The following THEMIS variants were observed in gnomAD, a reference collection of about 807,000 sequenced individuals.
THEMIS encodes the protein thymocyte selection associated, also known as protein THEMIS.
Under a neutral mutation model 52.6 loss-of-function variants are expected in THEMIS, and 37 were observed. The ratio of observed to expected loss-of-function variants is 0.70; its 90% CI spans 0.54 to 0.93. The LOEUF (loss-of-function observed/expected upper bound fraction) is 0.93. Ranked by LOEUF, THEMIS falls within the 40% of genes least tolerant of loss-of-function variation. The pLI, the probability that THEMIS is intolerant of heterozygous loss-of-function variation, is 0.00. For missense variants in THEMIS, 808 were observed against 763.1 expected, an observed-to-expected ratio of 1.06 and a Z score of -0.69; for synonymous variants, 292 against 272.7, an observed-to-expected ratio of 1.07 and a Z score of -0.70.
chr6:127,813,613 T>A lies in THEMIS; in HGVS notation c.1028A>T (p.Lys343Met). 6.2e-7 allele frequency: 1 copy of A among 1,614,120 alleles called. No individual in the cohort carries two copies. The highest frequency in any genetic ancestry group is 8.5e-7 in the Non-Finnish European group (1 of 1,179,996). ...LIPTSYKGKF[K>M]RRPREFPTAY... Reference sequence around the variant, plus strand: ...CGTTGGGAACTCCCTCGGTCGCCGCTTGAACTTGCCTTTATAGCTAGTGGG... The same window carrying A: ...CGTTGGGAACTCCCTCGGTCGCCGCATGAACTTGCCTTTATAGCTAGTGGG... Residue 343 changes from lysine to methionine, a missense_variant, in exon 4 of 6, where the codon AAG becomes ATG. Coordinates refer to ENST00000368248, the MANE Select transcript of THEMIS (RefSeq NM_001010923.3).
chr6:127,835,682 T>C (rs1778852071), intron 2 of THEMIS, among the ~76,000 whole-genome samples: 2 of 152,280 alleles, frequency 1.3e-5, no homozygotes, highest in Non-Finnish European at 2.9e-5. Context: ...TATTCTAGCC[T>C]GGATCAAAAT....
chr6:127,830,696 A>G (rs530838293), intron 2 of THEMIS, among the ~76,000 whole-genome samples: 1 of 151,972 alleles, frequency 6.6e-6, no homozygotes, highest in Admixed American at 6.5e-5. Flanking sequence ...TCAAAAAAAA[A>G]TAAAAAATAA....
At chr6:127,782,860 AT>A (rs943283874) in intron 4 of THEMIS, among the ~76,000 whole-genome samples, 3 of 152,170 alleles carry the variant, frequency 2.0e-5, no homozygotes, top group African/African-American at 7.2e-5. Flanking sequence ...GCTACCATGG[AT>A]TTTCTTCACA....
At chr6:127,707,012 T>C (rs1010341298), downstream of THEMIS, among the ~76,000 whole-genome samples, 1 of 152,100 alleles carries the variant, frequency 6.6e-6, no homozygotes, top group African/African-American at 2.4e-5. Context: ...TCAGGAAATT[T>C]ATAATCATGG....
chr6:127,801,729 T>C (rs1009305373), intron 4 of THEMIS, among the ~76,000 whole-genome samples: 1 of 151,892 alleles, frequency 6.6e-6, no homozygotes, highest in Admixed American at 6.6e-5. Flanking sequence ...CCTGAGGCGG[T>C]TGCCAGGCAA....
At chr6:127,906,677 A>G (rs182993401) in intron 1 of THEMIS, among the ~76,000 whole-genome samples, 2 of 152,080 alleles carry the variant, frequency 1.3e-5, no homozygotes, top group African/African-American at 4.8e-5. Flanking sequence ...CCTGTTGGAA[A>G]AAAAATATTG....
chr6:127,813,902 T>TGG lies in THEMIS; in HGVS notation c.737_738dup (p.Ser247ProfsTer3). 1.3e-6 allele frequency: 2 copies of TGG among 1,583,724 alleles called. No homozygotes were observed. Among genetic ancestry groups the TGG allele is most frequent in the Non-Finnish European group, 1.7e-6 (2 of 1,169,068 alleles). ...ATGTCTTTGACTTCGACATCTAGAC[T>TGG]GGGGAGGATGCGGATTATATCTTTT... is the stretch of plus-strand genomic sequence containing the variant. On this transcript the variant is annotated frameshift_variant, in exon 4 of 6. Coordinates refer to ENST00000368248, the MANE Select transcript of THEMIS (RefSeq NM_001010923.3). LOFTEE classifies it high-confidence loss of function.
chr6:127,752,140 A>G (rs958408913), intron 4 of THEMIS, among the ~76,000 whole-genome samples: 4 of 151,752 alleles, frequency 2.6e-5, no homozygotes, highest in African/African-American at 9.7e-5. Flanking sequence ...AACATATCCA[A>G]ACTTATAGGA....
intron 4 of THEMIS, among the ~76,000 whole-genome samples, chr6:127,725,741 A>C (rs920472822): frequency 1.6e-4 from 25 of 152,092 alleles, no homozygotes; most frequent in Non-Finnish European, 4.4e-5. Flanking sequence ...TCTGCACAGA[A>C]TGTCTTCTTT....
At chr6:127,837,889 G>C (rs761414971) in intron 2 of THEMIS, among the ~76,000 whole-genome samples, 1 of 152,118 alleles carries the variant, frequency 6.6e-6, no homozygotes, top group Admixed American at 6.6e-5. Context: ...GTTGTTAATA[G>C]ATGAATAATA....
At chr6:127,774,813 CTGCT>C (rs1395817486) in intron 4 of THEMIS, among the ~76,000 whole-genome samples, 2 of 152,140 alleles carry the variant, frequency 1.3e-5, no homozygotes, top group Admixed American at 1.3e-4. Flanking sequence ...TCAAGTCAAG[CTGCT>C]GTATTTAGCA....
downstream of THEMIS, among the ~76,000 whole-genome samples, chr6:127,705,205 G>T (rs1452620466): frequency 2.0e-5 from 3 of 152,120 alleles, no homozygotes; most frequent in Non-Finnish European, 4.4e-5. Flanking sequence ...ATGGGGAAAA[G>T]GTATGAAAAT....
intron 4 of THEMIS, among the ~76,000 whole-genome samples, chr6:127,803,244 G>A (rs141606478): frequency 1.7e-4 from 26 of 152,130 alleles, no homozygotes; most frequent in African/African-American, 5.8e-4. Flanking sequence ...AGTGTACAGC[G>A]CTATGATTTT....
At chr6:127,866,826 A>G (rs1337396251) in intron 1 of THEMIS, among the ~76,000 whole-genome samples, 1 of 151,868 alleles carries the variant, frequency 6.6e-6, no homozygotes, top group Non-Finnish European at 1.5e-5. Context: ...AGAAACTTAC[A>G]TTCTAGGTAG....
At chr6:127,899,228 AT>A (rs1781061906) in intron 1 of THEMIS, among the ~76,000 whole-genome samples, 1 of 151,910 alleles carries the variant, frequency 6.6e-6, no homozygotes, top group Non-Finnish European at 1.5e-5. Context: ...CATGTATCCC[AT>A]AAATATGTAT....
At chr6:127,768,830 G>A (rs937526216) in intron 4 of THEMIS, among the ~76,000 whole-genome samples, 1 of 152,094 alleles carries the variant, frequency 6.6e-6, no homozygotes, top group African/African-American at 2.4e-5. Context: ...TTTAAATATT[G>A]GCTTTGCTTT....
upstream of THEMIS, among the ~76,000 whole-genome samples, chr6:127,901,452 C>T (rs1333073091): frequency 6.6e-6 from 1 of 152,104 alleles, no homozygotes; most frequent in African/African-American, 2.4e-5. Context: ...AGTGCCTTTA[C>T]ATTAAAATTG....
At chr6:127,799,697 C>T (rs961644653) in intron 4 of THEMIS, among the ~76,000 whole-genome samples, 1 of 152,042 alleles carries the variant, frequency 6.6e-6, no homozygotes, top group African/African-American at 2.4e-5. Context: ...GTTACACTTT[C>T]ACACTCGAAC....
chr6:127,792,815 T>G (rs1777202237), intron 4 of THEMIS, among the ~76,000 whole-genome samples: 1 of 152,200 alleles, frequency 6.6e-6, no homozygotes. Flanking sequence ...CTAACCATAT[T>G]TCCTGTAGCT....
Sources: gnomAD v4.1 joint callset for allele counts (sites outside exome capture counted in the v4.1 genomes callset) on GRCh38, gnomAD v4.1.1 for gene constraint, MANE v1.5 for transcripts, NCBI Gene and HGNC (gene_info 2026-07-23, HGNC 2026-07-21) for gene names.